The following KCNMA1 variants were observed in gnomAD, a reference collection of about 807,000 sequenced individuals.
KCNMA1 encodes Calcium-activated potassium channel subunit alpha-1.
A neutral mutation model predicts 140.0 loss-of-function variants in KCNMA1; 29 were observed. The ratio of observed to expected loss-of-function variants is 0.21; its 90% confidence interval spans 0.15 to 0.28. The LOEUF (loss-of-function observed/expected upper bound fraction) is 0.28. Among genes scored for constraint, KCNMA1 ranks in the 10% least tolerant of loss-of-function variants. The pLI, the probability that KCNMA1 is intolerant of heterozygous loss-of-function variation, is 1.00. For synonymous variants in KCNMA1, 612 were observed against 611.9 expected (o/e 1.00, Z 0.00); for missense variants, 880 against 1,602.2 (o/e 0.55, Z 7.70).
chr10:77,530,631 C>T (rs940524115), intron 1 of KCNMA1, among the ~76,000 whole-genome samples: 1 of 152,162 alleles, frequency 6.6e-6, no homozygotes, highest in Non-Finnish European at 1.5e-5. Context: ...ACCAATGCCC[C>T]AAACATTCCT....
chr10:77,025,240 G>GTATACATATA (rs1384161555), intron 16 of KCNMA1, among the ~76,000 whole-genome samples: 3 of 65,370 alleles, frequency 4.6e-5, no homozygotes, highest in Non-Finnish European at 6.0e-5. Flanking sequence ...AGGGGTGTGT[G>GTATACATATA]TGTATATATA....
Position 77,533,973 on chromosome 10 carries a change from C to G in KCNMA1, c.378+103292G>C, listed in dbSNP as rs149858730. ...CTTCCCTCTCTTGCTCCATCTATGC[C>G]AAAGCTGGCCCACTATGCTGCTTGG... On this transcript the variant is annotated intron_variant, in intron 1 of 27. Coordinates refer to ENST00000286628, the MANE Select transcript of KCNMA1 (RefSeq NM_001161352.2). Among the ~76,000 whole-genome samples, 782 of 152,220 alleles carry G rather than the reference C, an allele frequency of 5.1e-3. 5 individuals carry two copies. The highest frequency in any genetic ancestry group is 0.018 in the African/African-American group (761 of 41,542).
At chr10:76,956,854 G>A (rs921838145) in intron 20 of KCNMA1, among the ~76,000 whole-genome samples, 1 of 152,108 alleles carries the variant, frequency 6.6e-6, no homozygotes. Flanking sequence ...CGGGCGTGGT[G>A]GCTCAGGCCT....
Position 76,932,676 on chromosome 10 carries a change from G to A in KCNMA1, c.2902+12097C>T, listed in dbSNP as rs566022633. Among the ~76,000 whole-genome samples, 9 of 152,258 alleles carry A rather than the reference G, an allele frequency of 5.9e-5. No homozygotes were observed. In the East Asian group the frequency reaches 1.5e-3, roughly 26 times the overall value. On this transcript the variant is annotated intron_variant, in intron 23 of 27. Transcript: ENST00000286628. ...ATCTTTATTATGTCAAATTGCTCATGATGGACAGAACCAGGATTTAAAAGC... is the reference window on the plus strand; with the variant it reads ...ATCTTTATTATGTCAAATTGCTCATAATGGACAGAACCAGGATTTAAAAGC...
At chr10:77,324,673 GC>G (rs1172426959) in intron 2 of KCNMA1, among the ~76,000 whole-genome samples, 9 of 152,124 alleles carry the variant, frequency 5.9e-5, no homozygotes, top group Admixed American at 1.3e-4. Context: ...GTAGCTGGGT[GC>G]CACCATGCCC....
At chr10:77,436,231 A>AATG (rs1451524474) in intron 1 of KCNMA1, among the ~76,000 whole-genome samples, 1 of 152,222 alleles carries the variant, frequency 6.6e-6, no homozygotes, top group Non-Finnish European at 1.5e-5. Context: ...CCCTGCTCTC[A>AATG]AGCAACATCA....
chr10:77,122,629 G>A (rs2097639688), intron 5 of KCNMA1, among the ~76,000 whole-genome samples: 1 of 152,064 alleles, frequency 6.6e-6, no homozygotes, highest in Non-Finnish European at 1.5e-5. Flanking sequence ...TGGATAAAAT[G>A]TGTTGGCCAA....
intron 18 of KCNMA1, among the ~76,000 whole-genome samples, chr10:77,005,437 G>C (rs1053843970): frequency 4.6e-5 from 7 of 152,202 alleles, no homozygotes; most frequent in Admixed American, 1.3e-4. Flanking sequence ...GCAGACAAGA[G>C]TGTGTCTCTG....
At chr10:76,908,957 C>A (rs149988434) in intron 25 of KCNMA1, among the ~76,000 whole-genome samples, 238 of 152,290 alleles carry the variant, frequency 1.6e-3, no homozygotes, top group African/African-American at 5.6e-3. Context: ...ATTTTTTAAT[C>A]GTTATTTGTT....
At chr10:77,125,214 C>G (rs1296194119) in intron 5 of KCNMA1, among the ~76,000 whole-genome samples, 2 of 152,166 alleles carry the variant, frequency 1.3e-5, no homozygotes, top group Non-Finnish European at 2.9e-5. Flanking sequence ...GCCCTGGACC[C>G]CTTGTGTTCT....
intron 5 of KCNMA1, among the ~76,000 whole-genome samples, chr10:77,145,927 A>G (rs1385391148): frequency 1.3e-5 from 2 of 152,218 alleles, no homozygotes; most frequent in East Asian, 3.8e-4. Flanking sequence ...TGGGAACAGT[A>G]ATAGTAACCT....
At chr10:77,107,795 G>A (rs915077804) in intron 9 of KCNMA1, among the ~76,000 whole-genome samples, 3 of 152,146 alleles carry the variant, frequency 2.0e-5, no homozygotes, top group Admixed American at 6.5e-5. Context: ...GGATAAGATC[G>A]GTGCCTCCTG....
At chr10:76,999,429 A>G (rs1395603573) in intron 19 of KCNMA1, among the ~76,000 whole-genome samples, 3 of 152,214 alleles carry the variant, frequency 2.0e-5, no homozygotes. Flanking sequence ...GTTGTGCATT[A>G]GGCAGAAGAG....
At chr10:77,398,444 G>A (rs953556765) in intron 2 of KCNMA1, among the ~76,000 whole-genome samples, 3 of 152,182 alleles carry the variant, frequency 2.0e-5, no homozygotes, top group Admixed American at 6.5e-5. Context: ...TGTCTCTGAA[G>A]ACTAGAGATG....
intron 1 of KCNMA1, among the ~76,000 whole-genome samples, chr10:77,553,147 T>C (rs546047572): frequency 2.2e-4 from 33 of 152,358 alleles, no homozygotes; most frequent in African/African-American, 7.9e-4. Flanking sequence ...ACATTAACAT[T>C]TTAGTGATGA....
chr10:77,137,033 C>G (rs2098054118), intron 5 of KCNMA1, among the ~76,000 whole-genome samples: 1 of 152,122 alleles, frequency 6.6e-6, no homozygotes, highest in South Asian at 2.1e-4. Context: ...TTAGCAATGA[C>G]CAGACAGATT....
chr10:77,048,910 G>A (rs1197224177), intron 14 of KCNMA1, among the ~76,000 whole-genome samples: 1 of 152,034 alleles, frequency 6.6e-6, no homozygotes, highest in East Asian at 1.9e-4. Flanking sequence ...ACAAGCGCCT[G>A]CCACCACGCC....
At chr10:77,540,953 C>A (rs1026921610) in intron 1 of KCNMA1, among the ~76,000 whole-genome samples, 2 of 150,236 alleles carry the variant, frequency 1.3e-5, no homozygotes, top group African/African-American at 2.5e-5. Context: ...CGCAGTGAGC[C>A]AAGATCGCAC....
chr10:77,175,758 C>A (rs1313265101), intron 5 of KCNMA1, among the ~76,000 whole-genome samples: 1 of 152,120 alleles, frequency 6.6e-6, no homozygotes. Context: ...TACTCATGAC[C>A]AGGCACAGGG....
Sources: gnomAD v4.1 joint callset for allele counts (sites outside exome capture counted in the v4.1 genomes callset) on GRCh38, gnomAD v4.1.1 for gene constraint, MANE v1.5 for transcripts, NCBI Gene and HGNC (gene_info 2026-07-23, HGNC 2026-07-21) for gene names.